Variants in ZNF778 observed in about 807,000 individuals in gnomAD.
The protein encoded by ZNF778 is zinc finger protein 778.
A neutral mutation model predicts 23.9 loss-of-function variants in ZNF778; 37 were observed. The ratio of observed to expected loss-of-function variants is 1.54; its 90% CI spans 1.19 to 2.03. ZNF778 has a LOEUF of 2.03. Among genes scored for constraint, ZNF778 ranks in the 30% most tolerant of loss-of-function variants. The pLI, the probability that ZNF778 is intolerant of heterozygous loss-of-function variation, is 0.00. For synonymous variants in ZNF778, 483 were observed against 343.9 expected, an observed-to-expected ratio of 1.40 and a Z score of -4.48; for missense variants, 1,297 against 934.4, an observed-to-expected ratio of 1.39 and a Z score of -5.06.
At position 89,228,431 on chromosome 16, in the gene ZNF778, C is replaced by G. The variant is rs1479358121; in HGVS notation, c.2143C>G (p.Leu715Val). 9 of 1,613,792 alleles carry G rather than the reference C, an allele frequency of 5.6e-6. No individual in the cohort carries two copies. The highest frequency in any genetic ancestry group is 1.1e-5 in the South Asian group (1 of 91,060). Reference sequence around the variant, plus strand: ...TGGGAAAGCATACAATAGGTTTTATCTACTAAAAGAACATTTAAAAACTTA... The same window carrying G: ...TGGGAAAGCATACAATAGGTTTTATGTACTAAAAGAACATTTAAAAACTTA... ...ECGKAYNRFY[L>V]LKEHLKTYTE... is the part of the protein sequence containing the mutation. Residue 715 changes from leucine (L) to valine (V), a missense_variant, in exon 7 of 7, where the codon CTA becomes GTA. Physicochemically the swap from Leu to Val is conservative, Grantham distance 32. Transcript: ENST00000433976.
rs1447470471 is a variant in ZNF778 at position 89,228,030 on chromosome 16, A to G, written c.1742A>G (p.Gln581Arg). 1.3e-6 allele frequency: 2 copies of G among 1,589,350 alleles called. No homozygotes were observed. The highest frequency in any genetic ancestry group is 8.6e-7 in the Non-Finnish European group (1 of 1,164,726). Residue 581 changes from glutamine to arginine, a missense_variant, in exon 7 of 7, where the codon CAG becomes CGG. By Grantham distance (43) the Gln-to-Arg change is conservative. Coordinates refer to ENST00000433976, the MANE Select transcript of ZNF778 (RefSeq NM_001201407.2). The part of the protein sequence containing the change: ...RNSSCLNKHI[Q>R]IHTGIKPYEC... ...TCCTCGTGCCTGAATAAGCACATTCAGATTCACACTGGAATAAAACCTTAT... is the reference window on the plus strand; with the variant it reads ...TCCTCGTGCCTGAATAAGCACATTCGGATTCACACTGGAATAAAACCTTAT...
In ZNF778 at chr16:89,230,156, A is replaced by G; in HGVS notation, c.*1594A>G. ...CATAACACAGCTCTACATTTTATGA[A>G]AATGCCCTTGTTCCTCTCCCATACC... is the stretch of plus-strand genomic sequence containing the variant. On this transcript the variant is annotated 3_prime_UTR_variant, in exon 7 of 7. Transcript: ENST00000433976. The G allele has an allele frequency of 1.6e-6, 1 of 609,896 alleles. No homozygotes were observed. Among genetic ancestry groups the G allele is most frequent in the Non-Finnish European group, 2.0e-6 (1 of 488,092 alleles). The allele number at this position is 609,896 out of a possible 1,614,324, so 37.8% of individuals were successfully genotyped here. A position where few individuals can be genotyped will look rare whatever the true frequency, so the allele number is the denominator to read the frequency against.
In ZNF778 at chr16:89,230,276, A is replaced by T; in HGVS notation, c.*1714A>T. 2 of 168,576 alleles carry T rather than the reference A, an allele frequency of 1.2e-5. No homozygotes were observed. Among genetic ancestry groups the T allele is most frequent in the Non-Finnish European group, 1.2e-5 (1 of 83,008 alleles). 10.4% of individuals were successfully genotyped at this position (168,576 alleles called of 1,614,324 possible). A position where few individuals can be genotyped will look rare whatever the true frequency, so the allele number is the denominator to read the frequency against. ...AGATGCCCCCGTTTCATGGCCGTGG[A>T]GGGAGAACCACCACCCCCCACGTGG... is the stretch of plus-strand genomic sequence containing the variant. On this transcript the variant is annotated 3_prime_UTR_variant, in exon 7 of 7. Transcript: ENST00000433976.
Position 89,233,601 on chromosome 16 carries a change from T to TGC in ZNF778, c.*5039_*5040insGC, listed in dbSNP as rs1567516356. On this transcript the variant is annotated 3_prime_UTR_variant, in exon 7 of 7. Coordinates refer to ENST00000433976, the MANE Select transcript of ZNF778 (RefSeq NM_001201407.2). ...TGCATATGCAACGCAACTCAACTCA[T>TGC]ACTGCATATGCAACTCAACTCACAC... The TGC allele has an allele frequency of 4.4e-6, 5 of 1,125,192 alleles. No individual in the cohort carries two copies. In the East Asian group the frequency reaches 1.9e-4, roughly 42 times the overall value. The allele number at this position is 1,125,192 out of a possible 1,614,324, so 69.7% of individuals were successfully genotyped here.
chr16:89,220,073 C>T (rs564798692), intron 1 of ZNF778, among the ~76,000 whole-genome samples: 1 of 152,326 alleles, frequency 6.6e-6, no homozygotes, highest in South Asian at 2.1e-4. Flanking sequence ...GGGTCAGGTC[C>T]TCTGGGGATG....
rs1413953227 is a variant in ZNF778 at position 89,236,694 on chromosome 16, G to C, written c.*8132G>C. The C allele has an allele frequency of 6.6e-6, 1 of 152,216 alleles. No homozygotes were observed. Among genetic ancestry groups the C allele is most frequent in the Non-Finnish European group, 1.5e-5 (1 of 68,056 alleles). 9.4% of individuals were successfully genotyped at this position (152,216 alleles called of 1,614,324 possible). On this transcript the variant is annotated 3_prime_UTR_variant, in exon 7 of 7. Coordinates refer to ENST00000433976, the MANE Select transcript of ZNF778 (RefSeq NM_001201407.2). ...AGGTGAGGGGCAACGTGGCTGGACGGCGTGGAGGTTCCGTGCTCCATTTCA... is the reference window on the plus strand; with the variant it reads ...AGGTGAGGGGCAACGTGGCTGGACGCCGTGGAGGTTCCGTGCTCCATTTCA...
chr16:89,233,833 C>T lies in ZNF778; in HGVS notation c.*5271C>T. ...GTATGCAACTCAACTGTTGCAAGTA[C>T]TTATTTCCGGCCACTTCCTTTTTCT... On this transcript the variant is annotated 3_prime_UTR_variant, in exon 7 of 7. Coordinates refer to ENST00000433976, the MANE Select transcript of ZNF778 (RefSeq NM_001201407.2). 1 of 1,289,986 alleles carries T rather than the reference C, an allele frequency of 7.8e-7. No homozygotes were observed. The highest frequency in any genetic ancestry group is 1.0e-6 in the Non-Finnish European group (1 of 989,758). The allele number at this position is 1,289,986 out of a possible 1,614,324, so 79.9% of individuals were successfully genotyped here. A position where few individuals can be genotyped will look rare whatever the true frequency, so the allele number is the denominator to read the frequency against.
chr16:89,220,368 G>A (rs920067367), intron 1 of ZNF778, among the ~76,000 whole-genome samples: 1 of 152,102 alleles, frequency 6.6e-6, no homozygotes. Flanking sequence ...ACAAACTGAC[G>A]AGACCGGGGC....
At chr16:89,222,323 G>A (rs1410364302) in intron 3 of ZNF778, 140 bp downstream of exon 3, 1 of 496,408 alleles carries the variant, frequency 2.0e-6, no homozygotes, top group East Asian at 3.4e-5. Context: ...AGAAGAGCCT[G>A]GCTGGTCAGG....
intron 4 of ZNF778, among the ~76,000 whole-genome samples, 180 bp downstream of exon 4, chr16:89,223,463 A>G (rs1266012511): frequency 2.0e-5 from 3 of 152,182 alleles, no homozygotes; most frequent in Non-Finnish European, 4.4e-5. Context: ...GGTCATGAGC[A>G]TCACCGTCAC....
chr16:89,232,333 A>C lies in ZNF778; in HGVS notation c.*3771A>C, dbSNP rs190548012. 4.3e-5 allele frequency: 11 copies of C among 255,152 alleles called. No individual in the cohort carries two copies. The highest frequency in any genetic ancestry group is 2.0e-4 in the African/African-American group (9 of 44,886). The allele number at this position is 255,152 out of a possible 1,614,324, so 15.8% of individuals were successfully genotyped here. A position where few individuals can be genotyped will look rare whatever the true frequency, so the allele number is the denominator to read the frequency against. On this transcript the variant is annotated 3_prime_UTR_variant, in exon 7 of 7. Coordinates refer to ENST00000433976, the MANE Select transcript of ZNF778 (RefSeq NM_001201407.2). ...AAATAGTCCTCACCAGAAGCAGGTC[A>C]GATGCCAGTGCTATGCTTGCACAGC... is the stretch of plus-strand genomic sequence containing the variant.
chr16:89,218,323 C>A (rs1268335993), intron 1 of ZNF778: 3 of 152,150 alleles, frequency 2.0e-5, no homozygotes, highest in Non-Finnish European at 2.9e-5. Context: ...TAGCTTTGGG[C>A]CATGTTTTCT....
intron 2 of ZNF778, 147 bp from the exon 3 acceptor site, chr16:89,221,945 C>G (rs749969604): frequency 7.7e-5 from 41 of 532,638 alleles, no homozygotes; most frequent in Non-Finnish European, 1.2e-4. Flanking sequence ...AATTCCCTGA[C>G]ACTGTATATC....
chr16:89,233,369 A>G lies in ZNF778; in HGVS notation c.*4807A>G. The G allele has an allele frequency of 1.3e-6, 1 of 782,182 alleles. No homozygotes were observed. Among genetic ancestry groups the G allele is most frequent in the Non-Finnish European group, 1.7e-6 (1 of 592,594 alleles). The allele number at this position is 782,182 out of a possible 1,614,324, so 48.5% of individuals were successfully genotyped here. Reference sequence around the variant, plus strand: ...AGCTCGCACTGCGTATGCAACTCGCACTGCGTATGCAACTCAACTCGCACT... The same window carrying G: ...AGCTCGCACTGCGTATGCAACTCGCGCTGCGTATGCAACTCAACTCGCACT... On this transcript the variant is annotated 3_prime_UTR_variant, in exon 7 of 7. Transcript: ENST00000433976.
chr16:89,223,562 C>T (rs1036132887), intron 4 of ZNF778, among the ~76,000 whole-genome samples: 1 of 152,180 alleles, frequency 6.6e-6, no homozygotes, highest in African/African-American at 2.4e-5. Context: ...TCTCCTGTAA[C>T]AAGCCCTCCC....
intron 6 of ZNF778, 63 bp from the exon 7 acceptor site, chr16:89,226,631 C>A: frequency 2.1e-6 from 3 of 1,417,588 alleles, no homozygotes; most frequent in Non-Finnish European, 2.9e-6. Flanking sequence ...CTGTCTTCAG[C>A]TGGGTGAGAT....
At chr16:89,220,615 G>A (rs975826620) in intron 1 of ZNF778, among the ~76,000 whole-genome samples, 10 of 152,136 alleles carry the variant, frequency 6.6e-5, no homozygotes, top group South Asian at 2.1e-4. Flanking sequence ...CCGAGATTGC[G>A]CCACTACACT....
At position 89,233,674 on chromosome 16, in the gene ZNF778, G is replaced by T. The variant is rs557149744; in HGVS notation, c.*5112G>T. 3 of 1,283,658 alleles carry T rather than the reference G, an allele frequency of 2.3e-6. No individual in the cohort carries two copies. Among genetic ancestry groups the T allele is most frequent in the African/African-American group, 3.1e-5 (2 of 63,632 alleles). 79.5% of individuals were successfully genotyped at this position (1,283,658 alleles called of 1,614,324 possible). A position where few individuals can be genotyped will look rare whatever the true frequency, so the allele number is the denominator to read the frequency against. On this transcript the variant is annotated 3_prime_UTR_variant, in exon 7 of 7. Transcript: ENST00000433976. ...GCATATGCAATTCAACTCGCACTGC[G>T]TATGCAAATCAACTTACTGCATATG...
At chr16:89,223,361 C>G in intron 4 of ZNF778, 78 bp downstream of exon 4, 1 of 1,584,400 alleles carries the variant, frequency 6.3e-7, no homozygotes, top group East Asian at 2.2e-5. Context: ...GGGTTGGTGA[C>G]GGCAAAGCCG....
Sources: gnomAD v4.1 joint callset for allele counts (sites outside exome capture counted in the v4.1 genomes callset) on GRCh38, gnomAD v4.1.1 for gene constraint, MANE v1.5 for transcripts, NCBI Gene and HGNC (gene_info 2026-07-23, HGNC 2026-07-21) for gene names.